Variants in MORC1 observed in about 807,000 individuals in gnomAD.
MORC1 encodes the protein MORC family CW-type zinc finger protein 1.
Under a neutral mutation model 134.9 loss-of-function variants are expected in MORC1, and 59 were observed. That is an observed-to-expected ratio of 0.44 (90% CI 0.35 to 0.54). The LOEUF (loss-of-function observed/expected upper bound fraction) is 0.54. Among genes scored for constraint, MORC1 ranks in the 20% least tolerant of loss-of-function variants. The probability of loss-of-function intolerance (pLI) is 0.00; values close to 1 mark genes in which losing one functional copy is unlikely to be tolerated. For missense variants in MORC1, 947 were observed against 1,134.5 expected (o/e 0.83, Z 2.37); for synonymous variants, 395 against 391.7 (o/e 1.01, Z -0.10).
chr3:109,102,791 C>T (rs1265738142), intron 4 of MORC1, among the ~76,000 whole-genome samples: 1 of 152,172 alleles, frequency 6.6e-6, no homozygotes, highest in Non-Finnish European at 1.5e-5. Flanking sequence ...ACTTAATATT[C>T]AGGCTAGAAG....
chr3:108,967,588 T>C (rs1020156279), intron 26 of MORC1, among the ~76,000 whole-genome samples: 6 of 152,200 alleles, frequency 3.9e-5, no homozygotes, highest in African/African-American at 9.7e-5. Flanking sequence ...TCTAGTAACT[T>C]AAAAATAATT....
At chr3:109,011,882 A>C (rs967244293) in intron 17 of MORC1, among the ~76,000 whole-genome samples, 6 of 152,066 alleles carry the variant, frequency 3.9e-5, no homozygotes, top group Admixed American at 6.6e-5. Context: ...TATTTTGCAA[A>C]TATTTTCTCC....
chr3:109,023,368 A>T (rs1428374046), intron 17 of MORC1, among the ~76,000 whole-genome samples: 1 of 152,262 alleles, frequency 6.6e-6, no homozygotes, highest in Non-Finnish European at 1.5e-5. Flanking sequence ...ATGTATAGTA[A>T]ATACAAAAGA....
chr3:109,031,733 G>A (rs1949246098), intron 16 of MORC1, among the ~76,000 whole-genome samples: 2 of 152,066 alleles, frequency 1.3e-5, no homozygotes, highest in Non-Finnish European at 2.9e-5. Flanking sequence ...CTGCAGAGTA[G>A]GGAACAGAAA....
chr3:108,981,180 G>T lies in MORC1; in HGVS notation c.2325-1513C>A, dbSNP rs539189777. On this transcript the variant is annotated intron_variant, in intron 23 of 27. Coordinates refer to ENST00000232603, the MANE Select transcript of MORC1 (RefSeq NM_014429.4). Reference sequence around the variant, plus strand: ...GCAGGTAGAGGTCAGATCATGAAGGGTTTTGTTTGTCAAGTAATAAAAAGA... The same window carrying T: ...GCAGGTAGAGGTCAGATCATGAAGGTTTTTGTTTGTCAAGTAATAAAAAGA... Among the ~76,000 whole-genome samples, 11 of 152,158 alleles carry T rather than the reference G, an allele frequency of 7.2e-5. No individual in the cohort carries two copies. The East Asian group carries it at 2.1e-3, about 29-fold the overall frequency.
chr3:108,962,349 A>T (rs1947102011), intron 27 of MORC1, among the ~76,000 whole-genome samples: 1 of 152,074 alleles, frequency 6.6e-6, no homozygotes, highest in Non-Finnish European at 1.5e-5. Context: ...TAAATTAAAA[A>T]TTTTTTTGAA....
intron 26 of MORC1, among the ~76,000 whole-genome samples, chr3:108,967,171 G>A (rs567480961): frequency 6.6e-6 from 1 of 151,996 alleles, no homozygotes; most frequent in Non-Finnish European, 1.5e-5. Context: ...CATGTTAAGG[G>A]GATACTGCTC....
chr3:109,071,265 G>T (rs1034835953), intron 8 of MORC1, among the ~76,000 whole-genome samples: 2 of 152,090 alleles, frequency 1.3e-5, no homozygotes, highest in Admixed American at 6.6e-5. Flanking sequence ...GTAATTCAGA[G>T]CCAACTTTGA....
chr3:109,034,832 T>G (rs1220083622), intron 15 of MORC1, among the ~76,000 whole-genome samples: 3 of 152,144 alleles, frequency 2.0e-5, no homozygotes, highest in Non-Finnish European at 4.4e-5. Flanking sequence ...CACCACAGCC[T>G]CAACCTCCCA....
chr3:109,026,185 C>A (rs1287022180), intron 17 of MORC1, among the ~76,000 whole-genome samples: 2 of 152,092 alleles, frequency 1.3e-5, no homozygotes, highest in Admixed American at 1.3e-4. Context: ...TGTTAGGAAT[C>A]TTTTCACAAA....
At chr3:108,961,003 A>C (rs1947066103) in intron 27 of MORC1, among the ~76,000 whole-genome samples, 1 of 152,180 alleles carries the variant, frequency 6.6e-6, no homozygotes, top group South Asian at 2.1e-4. Context: ...TTGACTTTTA[A>C]CTTTTAATCC....
At chr3:109,062,497 T>C (rs1302999851) in intron 10 of MORC1, among the ~76,000 whole-genome samples, 1 of 150,992 alleles carries the variant, frequency 6.6e-6, no homozygotes, top group Non-Finnish European at 1.5e-5. Context: ...CTCAGCTCAC[T>C]GCAAACTCCC....
chr3:108,991,464 G>A (rs532684226), intron 21 of MORC1, among the ~76,000 whole-genome samples: 2 of 152,198 alleles, frequency 1.3e-5, no homozygotes, highest in South Asian at 2.1e-4. Context: ...AGCAGTGAAT[G>A]GTGGTATCAT....
intron 21 of MORC1, among the ~76,000 whole-genome samples, chr3:108,993,842 A>T (rs925028064): frequency 6.6e-6 from 1 of 152,162 alleles, no homozygotes; most frequent in Non-Finnish European, 1.5e-5. Flanking sequence ...TCTCATTGTT[A>T]TGATTCGCTA....
At position 108,958,789 on chromosome 3, in the gene MORC1, G is replaced by T; in HGVS notation, c.*176C>A. 1 of 342,466 alleles carries T rather than the reference G, an allele frequency of 2.9e-6. No individual in the cohort carries two copies. Among genetic ancestry groups the T allele is most frequent in the African/African-American group, 2.1e-5 (1 of 47,080 alleles). The allele number at this position is 342,466 out of a possible 1,614,324, so 21.2% of individuals were successfully genotyped here. ...AATTGGATTAGGGAATACATAAATT[G>T]TAAATCGGTCTCCATTTCTAGAGTA... is the stretch of plus-strand genomic sequence containing the variant. On this transcript the variant is annotated 3_prime_UTR_variant, in exon 28 of 28. Coordinates refer to ENST00000232603, the MANE Select transcript of MORC1 (RefSeq NM_014429.4).
chr3:109,000,028 T>C (rs1388713853), intron 21 of MORC1, among the ~76,000 whole-genome samples: 1 of 152,172 alleles, frequency 6.6e-6, no homozygotes, highest in Non-Finnish European at 1.5e-5. Context: ...AACTCGATTC[T>C]ACAGAAGCCC....
At chr3:109,008,663 A>T (rs1948608873) in intron 17 of MORC1, among the ~76,000 whole-genome samples, 1 of 138,386 alleles carries the variant, frequency 7.2e-6, no homozygotes, top group South Asian at 2.3e-4. Flanking sequence ...TAAGTTTTTA[A>T]TGATACATTG....
intron 25 of MORC1, among the ~76,000 whole-genome samples, chr3:108,970,730 C>G (rs1947354122): frequency 1.3e-5 from 2 of 152,212 alleles, no homozygotes; most frequent in Admixed American, 6.5e-5. Flanking sequence ...AGCAGCTTGT[C>G]AGGCATGTGC....
At chr3:109,088,675 T>C (rs1011941895) in intron 8 of MORC1, among the ~76,000 whole-genome samples, 1 of 152,090 alleles carries the variant, frequency 6.6e-6, no homozygotes, top group Admixed American at 6.6e-5. Flanking sequence ...AGCTAAAAAG[T>C]AGAACTACCG....
Sources: allele counts gnomAD v4.1 joint callset (sites outside exome capture counted in the v4.1 genomes callset), GRCh38; gene constraint gnomAD v4.1.1; transcripts MANE v1.5; gene names NCBI Gene and HGNC (gene_info 2026-07-23, HGNC 2026-07-21).